The following PTK2 variants were observed in gnomAD, a reference collection of about 807,000 sequenced individuals.
The protein encoded by PTK2 is focal adhesion kinase 1.
A neutral mutation model predicts 150.1 loss-of-function variants in PTK2; 45 were observed. The observed-to-expected ratio is 0.30, with a 90% CI of 0.24 to 0.38. The LOEUF is 0.38. Ranked by LOEUF, PTK2 falls within the 10% of genes least tolerant of loss-of-function variation. The probability of loss-of-function intolerance (pLI) is 1.00; values close to 1 mark genes in which losing one functional copy is unlikely to be tolerated. For synonymous variants in PTK2, 432 were observed against 449.2 expected (o/e 0.96, Z 0.48); for missense variants, 919 against 1,307.3 (o/e 0.70, Z 4.58).
At chr8:140,943,515 C>T (rs1201490760) in intron 1 of PTK2, among the ~76,000 whole-genome samples, 2 of 151,990 alleles carry the variant, frequency 1.3e-5, no homozygotes, top group East Asian at 1.9e-4. Context: ...CCAGTGATTA[C>T]GAATAAAGCT....
At chr8:140,950,607 G>A (rs888080341) in intron 1 of PTK2, among the ~76,000 whole-genome samples, 7 of 152,236 alleles carry the variant, frequency 4.6e-5, no homozygotes, top group East Asian at 1.9e-4. Flanking sequence ...ATGCCAAGCC[G>A]AGTAGGCGAA....
At chr8:140,865,757 C>T (rs902966912) in intron 4 of PTK2, among the ~76,000 whole-genome samples, 1 of 152,096 alleles carries the variant, frequency 6.6e-6, no homozygotes, top group Non-Finnish European at 1.5e-5. Context: ...TAGGATTTAC[C>T]AGGCACGTAA....
intron 1 of PTK2, among the ~76,000 whole-genome samples, chr8:140,946,410 C>T (rs369283293): frequency 4.6e-5 from 7 of 152,026 alleles, no homozygotes; most frequent in East Asian, 1.9e-4. Context: ...GGAAAGACCA[C>T]GTAAGAGAGA....
At chr8:140,951,827 G>T (rs1316290189) in intron 1 of PTK2, among the ~76,000 whole-genome samples, 2 of 151,894 alleles carry the variant, frequency 1.3e-5, no homozygotes, top group Admixed American at 1.3e-4. Context: ...AGAAGCTACA[G>T]TGAGCTATGA....
chr8:140,777,475 C>A (rs538781286), intron 14 of PTK2, among the ~76,000 whole-genome samples: 1 of 152,372 alleles, frequency 6.6e-6, no homozygotes, highest in East Asian at 1.9e-4. Context: ...ATGATTCAAG[C>A]ACCATCCACC....
In PTK2 at chr8:140,676,255, A is replaced by C. The variant is rs112313384; in HGVS notation, c.2563-756T>G. 2.5e-3 allele frequency among the ~76,000 whole-genome samples: 386 copies of C among 152,194 alleles called. 7 individuals carry two copies. Among genetic ancestry groups the C allele is most frequent in the African/African-American group, 8.7e-3 (362 of 41,530 alleles). ...GCTGGGCGTGGTGGTACGTGGGTGT[A>C]ATCCCAGTTACCTGGGAGGTTGAGG... On this transcript the variant is annotated intron_variant, in intron 27 of 31. Transcript: ENST00000522684.
intron 2 of PTK2, among the ~76,000 whole-genome samples, chr8:140,893,046 G>A (rs953280881): frequency 6.6e-6 from 1 of 152,176 alleles, no homozygotes; most frequent in Non-Finnish European, 1.5e-5. Context: ...AAAAACTCAT[G>A]GCTGGGCATA....
intron 14 of PTK2, among the ~76,000 whole-genome samples, chr8:140,771,964 T>C (rs2100075741): frequency 6.6e-6 from 1 of 151,822 alleles, no homozygotes; most frequent in African/African-American, 2.4e-5. Flanking sequence ...ATTTTTTTTT[T>C]TTTTAGTAGA....
intron 17 of PTK2, among the ~76,000 whole-genome samples, chr8:140,747,477 GGGGGAAGAGGAGGGGGAAGAGGAGGA>G (rs2100059761): frequency 3.9e-5 from 1 of 25,844 alleles, no homozygotes; most frequent in African/African-American, 2.3e-4. Flanking sequence ...AGGAAGAGGA[GGGGGAAGAGGAGGGGGAAGAGGAGGA>G]GGAAGAGGAG....
chr8:140,771,783 T>TA (rs1162851763), intron 14 of PTK2, among the ~76,000 whole-genome samples: 17 of 151,426 alleles, frequency 1.1e-4, no homozygotes, highest in African/African-American at 3.9e-4. Flanking sequence ...ATTAACATTT[T>TA]TTTTTTTTTT....
intron 27 of PTK2, 66 bp downstream of exon 30, chr8:140,686,556 TATATTGTGAC>T (rs2100019984): frequency 9.1e-7 from 1 of 1,104,436 alleles, no homozygotes; most frequent in Non-Finnish European, 1.4e-6. Context: ...TAAACTTGGA[TATATTGTGAC>T]ATAAACACTG....
chr8:140,669,301 G>GTATATATA lies in PTK2; in HGVS notation c.2710-885_2710-878dup, dbSNP rs35271369. 843 of 97,874 alleles carry GTATATATA rather than the reference G, an allele frequency of 8.6e-3. 16 individuals carry two copies. The highest frequency in any genetic ancestry group is 0.017 in the African/African-American group (358 of 21,432). 6.1% of individuals were successfully genotyped at this position (97,874 alleles called of 1,614,324 possible). ...GTTAGAATTACACCAGCATAAAATG[G>GTATATATA]TATATATATATATATATATATATAT... is the stretch of plus-strand genomic sequence containing the variant. On this transcript the variant is annotated intron_variant, in intron 29 of 31. Transcript: ENST00000522684.
chr8:140,736,615 T>C (rs763516419), intron 21 of PTK2, among the ~76,000 whole-genome samples: 3 of 151,386 alleles, frequency 2.0e-5, no homozygotes, highest in Non-Finnish European at 4.4e-5. Flanking sequence ...GTAAAGGAAA[T>C]GGAAAGAACT....
At chr8:140,743,469 G>A in intron 19 of PTK2, 139 bp from the exon 23 acceptor site, 1 of 494,870 alleles carries the variant, frequency 2.0e-6, no homozygotes, top group Non-Finnish European at 3.5e-6. Context: ...ATTTATTATA[G>A]GATATATATA....
intron 19 of PTK2, among the ~76,000 whole-genome samples, chr8:140,743,606 T>C (rs916481333): frequency 6.6e-6 from 1 of 152,104 alleles, no homozygotes; most frequent in Non-Finnish European, 1.5e-5. Flanking sequence ...TGAAAATCCT[T>C]ATTACTGTTC....
intron 7 of PTK2, among the ~76,000 whole-genome samples, chr8:140,842,894 A>G (rs2100123145): frequency 1.3e-5 from 2 of 152,176 alleles, no homozygotes; most frequent in Admixed American, 6.5e-5. Flanking sequence ...ACAATAGATC[A>G]TTCAACTTTC....
At chr8:140,922,606 C>T (rs1169322393) in intron 2 of PTK2, among the ~76,000 whole-genome samples, 3 of 152,122 alleles carry the variant, frequency 2.0e-5, no homozygotes, top group Non-Finnish European at 4.4e-5. Flanking sequence ...ACACTGAGTC[C>T]ATCTTGGAAC....
chr8:140,689,332 G>A (rs556130098), intron 26 of PTK2, among the ~76,000 whole-genome samples: 3 of 152,286 alleles, frequency 2.0e-5, no homozygotes, highest in Admixed American at 6.5e-5. Flanking sequence ...CTGAGAAGAC[G>A]AGACTCCAGG....
chr8:140,830,084 TACACAC>T (rs67413157), intron 8 of PTK2, among the ~76,000 whole-genome samples: 39,972 of 149,308 alleles, frequency 0.27, 5,477 homozygotes, highest in Admixed American at 0.38. Flanking sequence ...CGCACACACA[TACACAC>T]ACACACACAC....
Sources: gnomAD v4.1 joint callset for allele counts (sites outside exome capture counted in the v4.1 genomes callset) on GRCh38, gnomAD v4.1.1 for gene constraint, MANE v1.5 for transcripts, NCBI Gene and HGNC (gene_info 2026-07-23, HGNC 2026-07-21) for gene names.